The following PCDH7 variants were observed in gnomAD, a reference collection of about 807,000 sequenced individuals.
PCDH7 encodes the protein protocadherin 7, also known as protocadherin-7.
A neutral mutation model predicts 58.9 loss-of-function variants in PCDH7; 17 were observed. The ratio of observed to expected loss-of-function variants is 0.29; its 90% CI spans 0.20 to 0.43. PCDH7 has a LOEUF of 0.43. Ranked by LOEUF, PCDH7 falls within the 20% of genes least tolerant of loss-of-function variation. The pLI is 1.00. For synonymous variants in PCDH7, 664 were observed against 616.4 expected (o/e 1.08, Z -1.14); for missense variants, 1,274 against 1,441.0 (o/e 0.88, Z 1.88).
intron 3 of PCDH7, among the ~76,000 whole-genome samples, chr4:31,009,720 G>A (rs2109150025): frequency 6.6e-6 from 1 of 151,976 alleles, no homozygotes; most frequent in South Asian, 2.1e-4. Flanking sequence ...ATTTTGGGCT[G>A]ACTTCTCCCA....
chr4:31,075,626 A>G (rs1289333003), intron 3 of PCDH7, among the ~76,000 whole-genome samples: 3 of 152,186 alleles, frequency 2.0e-5, no homozygotes, highest in African/African-American at 7.2e-5. Flanking sequence ...ACATGGGCCT[A>G]GCTTCATTAC....
At chr4:30,991,031 T>A (rs950604127) in intron 3 of PCDH7, among the ~76,000 whole-genome samples, 2 of 152,142 alleles carry the variant, frequency 1.3e-5, no homozygotes, top group African/African-American at 4.8e-5. Context: ...ATTCTATAGA[T>A]GTAAATGCTC....
chr4:30,956,923 A>G (rs540434524), intron 3 of PCDH7, among the ~76,000 whole-genome samples: 2 of 152,220 alleles, frequency 1.3e-5, no homozygotes, highest in African/African-American at 2.4e-5. Context: ...GAAAAACACT[A>G]GGTAGCATAG....
Position 30,845,777 on chromosome 4 carries a change from G to A in PCDH7, c.71-74376G>A, listed in dbSNP as rs547565379. On this transcript the variant is annotated intron_variant, in intron 1 of 3. Transcript: ENST00000509759. ...ACCAGGTTAATTTTAAAAACTTTTAGAGACAGAGTAACATTACATTGCCCA... is the reference window on the plus strand; with the variant it reads ...ACCAGGTTAATTTTAAAAACTTTTAAAGACAGAGTAACATTACATTGCCCA... Among the ~76,000 whole-genome samples the A allele has an allele frequency of 1.3e-4, 20 of 152,096 alleles. No homozygotes were observed. In the East Asian group the frequency reaches 3.7e-3, roughly 28 times the overall value.
At chr4:31,056,475 A>AAG (rs1463750421) in intron 3 of PCDH7, among the ~76,000 whole-genome samples, 3 of 139,052 alleles carry the variant, frequency 2.2e-5, no homozygotes, top group African/African-American at 5.2e-5. Context: ...GAAAGAAAGA[A>AAG]AGAAAGAAAG....
chr4:30,980,987 C>T (rs1334378486), intron 3 of PCDH7, among the ~76,000 whole-genome samples: 4 of 152,112 alleles, frequency 2.6e-5, no homozygotes, highest in Non-Finnish European at 5.9e-5. Context: ...GGACTACAGA[C>T]GTGTGCCACC....
At chr4:30,814,199 G>A (rs958892065) in intron 1 of PCDH7, among the ~76,000 whole-genome samples, 4 of 151,836 alleles carry the variant, frequency 2.6e-5, no homozygotes, top group African/African-American at 7.3e-5. Flanking sequence ...GCCAATAAAG[G>A]TGTGTTTGTG....
At chr4:30,843,524 T>A (rs1009253938) in intron 1 of PCDH7, among the ~76,000 whole-genome samples, 1 of 152,184 alleles carries the variant, frequency 6.6e-6, no homozygotes, top group African/African-American at 2.4e-5. Context: ...AAAATAGACA[T>A]AATGTTTCCA....
At chr4:31,007,319 A>T (rs562670688) in intron 3 of PCDH7, among the ~76,000 whole-genome samples, 1 of 152,224 alleles carries the variant, frequency 6.6e-6, no homozygotes, top group Non-Finnish European at 1.5e-5. Context: ...TGCAATACAT[A>T]CTGTAATCAA....
chr4:30,850,378 C>A (rs1732563974), intron 1 of PCDH7, among the ~76,000 whole-genome samples: 1 of 152,034 alleles, frequency 6.6e-6, no homozygotes, highest in South Asian at 2.1e-4. Flanking sequence ...CTCTTCTCTT[C>A]ATTCCTCTGA....
intron 2 of PCDH7, among the ~76,000 whole-genome samples, chr4:30,936,960 A>AACAC (rs948828627): frequency 1.6e-4 from 19 of 116,798 alleles, no homozygotes; most frequent in Non-Finnish European, 3.3e-4. Context: ...GTTCATTCAG[A>AACAC]ACACACACAC....
At position 30,721,693 on chromosome 4, in the gene PCDH7, A is replaced by G. The variant is rs1713585441; in HGVS notation, c.271A>G (p.Ile91Val). ...CGAGCTGAGCACGAGCGAGCGGCGC[A>G]TCGACCGCGAGAAGCTGCCCCAGTG... is the stretch of plus-strand genomic sequence containing the variant. The change falls in exon 1 of 2, where the codon ATC becomes GTC. Residue 91 changes from isoleucine (I) to valine (V), a missense_variant. Ile to Val is a conservative substitution (Grantham distance 29). Transcript: ENST00000361762. This position sits in a 1 kb window ranked among gnomAD's most constrained non-coding sequence, Gnocchi z 6.7. 1 of 1,613,704 alleles carries G rather than the reference A, an allele frequency of 6.2e-7. No homozygotes were observed.
intron 3 of PCDH7, among the ~76,000 whole-genome samples, chr4:31,115,691 C>G (rs1205439049): frequency 2.0e-5 from 3 of 152,086 alleles, no homozygotes; most frequent in Non-Finnish European, 4.4e-5. Flanking sequence ...TTAGAAAATA[C>G]GTATTCTGTG....
At chr4:30,819,216 T>A (rs1728054111) in intron 1 of PCDH7, among the ~76,000 whole-genome samples, 1 of 152,090 alleles carries the variant, frequency 6.6e-6, no homozygotes, top group South Asian at 2.1e-4. Context: ...AACAGTGTCT[T>A]TTAGGGAAGA....
intron 3 of PCDH7, among the ~76,000 whole-genome samples, chr4:31,040,947 G>A (rs1041948589): frequency 8.5e-5 from 13 of 152,114 alleles, no homozygotes; most frequent in African/African-American, 2.4e-4. Context: ...AAAGCACATG[G>A]GGTTACAGAG....
In PCDH7 at chr4:31,029,001, T is replaced by C. The variant is rs551821866; in HGVS notation, c.*7+78786T>C. Among the ~76,000 whole-genome samples the C allele has an allele frequency of 3.9e-5, 6 of 152,324 alleles. No homozygotes were observed. In the South Asian group the frequency reaches 1.2e-3, roughly 32 times the overall value. ...ATTCAGCAGGGCAGAAGAAATGTAG[T>C]TTTGGCAAAGGTGGCAAGAAATTTC... On this transcript the variant is annotated intron_variant, in intron 3 of 3. Transcript: ENST00000509759.
chr4:30,856,706 A>AT (rs1560440002), intron 1 of PCDH7, among the ~76,000 whole-genome samples: 23 of 145,638 alleles, frequency 1.6e-4, no homozygotes, highest in South Asian at 4.3e-4. Context: ...AAAAAAAAAA[A>AT]AATATATATA....
chr4:31,059,753 G>A (rs923011497), intron 3 of PCDH7, among the ~76,000 whole-genome samples: 1 of 151,688 alleles, frequency 6.6e-6, no homozygotes, highest in Admixed American at 6.6e-5. Flanking sequence ...ACAATCAAGA[G>A]AATATTTTTC....
intron 3 of PCDH7, among the ~76,000 whole-genome samples, chr4:31,075,826 AACTTCACTGGGTC>A (rs1230047441): frequency 6.6e-6 from 1 of 152,150 alleles, no homozygotes; most frequent in Non-Finnish European, 1.5e-5. Flanking sequence ...TTTTTGAATC[AACTTCACTGGGTC>A]ACTTTTTCTA....
Sources: gnomAD v4.1 joint callset for allele counts (sites outside exome capture counted in the v4.1 genomes callset) on GRCh38, gnomAD v4.1.1 for gene constraint, Gnocchi (gnomAD v3.1) non-coding constraint, MANE v1.5 for transcripts, NCBI Gene and HGNC (gene_info 2026-07-23, HGNC 2026-07-21) for gene names.